The following DGCR8 variants were observed in gnomAD, a reference collection of about 807,000 sequenced individuals.
DGCR8 encodes the protein microprocessor complex subunit DGCR8.
In DGCR8, 14 loss-of-function variants were observed where a neutral mutation model predicts 78.5. The ratio of observed to expected loss-of-function variants is 0.18; its 90% CI spans 0.12 to 0.28. The LOEUF is 0.28. DGCR8 is among the 10% of genes least tolerant of loss of function. The probability of loss-of-function intolerance (pLI) is 1.00; values close to 1 mark genes in which losing one functional copy is unlikely to be tolerated. For missense variants in DGCR8, 702 were observed against 1,022.5 expected, an observed-to-expected ratio of 0.69 and a Z score of 4.28; for synonymous variants, 399 against 402.4, an observed-to-expected ratio of 0.99 and a Z score of 0.10.
rs753527076 is a variant in DGCR8 at position 20,085,847 on chromosome 22, C to T, written c.-117C>T. 5.4e-6 allele frequency: 8 copies of T among 1,490,654 alleles called. No homozygotes were observed. Among genetic ancestry groups the T allele is most frequent in the Middle Eastern group, 1.8e-4 (1 of 5,562 alleles). 92.3% of individuals were successfully genotyped at this position (1,490,654 alleles called of 1,614,324 possible). ...GTGGCCAGCTTGACTAAGCCGCCAG[C>T]GCACAGCGCGGCAGGACGCGCCCGG... On this transcript the variant is annotated 5_prime_UTR_variant, in exon 2 of 14. Transcript: ENST00000351989. This position sits in a 1 kb window ranked among gnomAD's most constrained non-coding sequence, Gnocchi z 6.2.
intron 3 of DGCR8, among the ~76,000 whole-genome samples, chr22:20,088,199 T>G (rs2049512124): frequency 6.6e-6 from 1 of 152,106 alleles, no homozygotes; most frequent in Non-Finnish European, 1.5e-5. Flanking sequence ...TATGTCGTGT[T>G]GGTAGCAGTT....
At chr22:20,104,902 G>A (rs1335804521) in intron 9 of DGCR8, among the ~76,000 whole-genome samples, 1 of 152,154 alleles carries the variant, frequency 6.6e-6, no homozygotes, top group Non-Finnish European at 1.5e-5. Context: ...CCTGTGGAGC[G>A]GGCTTGGCAC....
chr22:20,108,965 A>C lies in DGCR8; in HGVS notation c.2200A>C (p.Lys734Gln). ...KNKPNLHILS[K>Q]LQEEMKRLAE... ...CAAGCCCAACCTGCACATCCTCAGC[A>C]AGCTCCAAGAGGAGATGAAGAGGCT... Residue 734 changes from lysine to glutamine, a missense_variant, in exon 13 of 14, where the codon AAG becomes CAG. Coordinates refer to ENST00000351989, the MANE Select transcript of DGCR8 (RefSeq NM_022720.7). 6.2e-7 allele frequency: 1 copy of C among 1,610,388 alleles called. No homozygotes were observed. Among genetic ancestry groups the C allele is most frequent in the East Asian group, 2.2e-5 (1 of 44,854 alleles).
At position 20,093,403 on chromosome 22, in the gene DGCR8, T is replaced by TG. The variant is rs1033044892; in HGVS notation, c.1705+496_1705+497insG. The stretch of plus-strand genomic sequence containing the variant: ...CTGGGCGACAGTGCAAGACTCTGTC[T>TG]AAAAAAAAAAAAGTAGAAGGCCTCT... On this transcript the variant is annotated intron_variant, in intron 8 of 13. Transcript: ENST00000351989. Among the ~76,000 whole-genome samples, 7 of 143,214 alleles carry TG rather than the reference T, an allele frequency of 4.9e-5. 1 individual carries two copies. Among genetic ancestry groups the TG allele is most frequent in the African/African-American group, 7.7e-5 (3 of 38,932 alleles). The allele number at this position is 143,214 out of a possible 152,430, so 94.0% of individuals were successfully genotyped here.
chr22:20,095,118 CTTTTT>C (rs971662827), intron 9 of DGCR8, among the ~76,000 whole-genome samples: 1 of 151,732 alleles, frequency 6.6e-6, no homozygotes. Flanking sequence ...TTAGATTGTT[CTTTTT>C]TTTGAGACAA....
At chr22:20,084,874 G>C in intron 1 of DGCR8, 1 of 586,860 alleles carries the variant, frequency 1.7e-6, no homozygotes, top group Non-Finnish European at 2.1e-6. Context: ...CACAGCTGTG[G>C]GTCTCCCCTC....
intron 1 of DGCR8, among the ~76,000 whole-genome samples, chr22:20,081,762 G>A (rs1430818387): frequency 6.6e-6 from 1 of 152,114 alleles, no homozygotes; most frequent in Non-Finnish European, 1.5e-5. Context: ...TTACTTTGGC[G>A]CCAAGTAGCC....
In DGCR8 at chr22:20,110,990, C is replaced by T. The variant is rs2049834763; in HGVS notation, c.*882C>T. The T allele has an allele frequency of 7.6e-6, 3 of 396,570 alleles. No homozygotes were observed. Among genetic ancestry groups the T allele is most frequent in the Non-Finnish European group, 1.3e-5 (3 of 225,360 alleles). 24.6% of individuals were successfully genotyped at this position (396,570 alleles called of 1,614,324 possible). On this transcript the variant is annotated 3_prime_UTR_variant, in exon 14 of 14. Transcript: ENST00000351989. The stretch of plus-strand genomic sequence containing the variant: ...ATTTTAGCATTTTGAAAGACTTTCA[C>T]AGTGAGAGTAGAAGGTAGATTTGGA...
At chr22:20,100,692 C>T in intron 9 of DGCR8, 3 of 985,390 alleles carry the variant, frequency 3.0e-6, no homozygotes, top group Non-Finnish European at 3.6e-6. Flanking sequence ...GCAGAAACCA[C>T]ATTGCAAAGT....
In DGCR8 at chr22:20,086,891, G is replaced by C; in HGVS notation, c.720+208G>C. 1 of 778,036 alleles carries C rather than the reference G, an allele frequency of 1.3e-6. No homozygotes were observed. The highest frequency in any genetic ancestry group is 2.0e-6 in the Non-Finnish European group (1 of 505,248). The allele number at this position is 778,036 out of a possible 1,614,324, so 48.2% of individuals were successfully genotyped here. The stretch of plus-strand genomic sequence containing the variant: ...TTTCCTAATGAAAAGTTTGGCCCAT[G>C]GGTAGGCCCTGCATCCCTGATCTAG... On this transcript the variant is annotated intron_variant, in intron 2 of 13. Transcript: ENST00000351989. The surrounding 1 kb of genome is among the most constrained non-coding windows in gnomAD (Gnocchi z 6.4).
At chr22:20,090,299 C>T (rs1336081531) in intron 5 of DGCR8, 41 bp downstream of exon 5, 1 of 1,542,794 alleles carries the variant, frequency 6.5e-7, no homozygotes, top group East Asian at 2.3e-5. Context: ...CCTCCTGGGA[C>T]CCATGAGCTT....
intron 12 of DGCR8, 54 bp from the exon 13 acceptor site, chr22:20,108,836 C>T: frequency 3.6e-6 from 3 of 823,842 alleles, no homozygotes; most frequent in Admixed American, 2.1e-5. Flanking sequence ...GGGCAGCGGG[C>T]AGGCCGTAGA....
Position 20,110,204 on chromosome 22 carries a change from C to A in DGCR8, c.*96C>A. ...TGCACCACAGTGTCAGGCCTCCAAC[C>A]CACGCTCCTTCCCTGTGGCCAACCT... On this transcript the variant is annotated 3_prime_UTR_variant, in exon 14 of 14. Coordinates refer to ENST00000351989, the MANE Select transcript of DGCR8 (RefSeq NM_022720.7). 1 of 1,324,906 alleles carries A rather than the reference C, an allele frequency of 7.5e-7. No individual in the cohort carries two copies. Among genetic ancestry groups the A allele is most frequent in the Non-Finnish European group, 1.1e-6 (1 of 947,256 alleles). 82.1% of individuals were successfully genotyped at this position (1,324,906 alleles called of 1,614,324 possible). A position where few individuals can be genotyped will look rare whatever the true frequency, so the allele number is the denominator to read the frequency against.
At chr22:20,103,934 C>T (rs942189626) in intron 9 of DGCR8, among the ~76,000 whole-genome samples, 11 of 152,274 alleles carry the variant, frequency 7.2e-5, no homozygotes, top group Admixed American at 3.3e-4. Context: ...GTAGAGGTGT[C>T]GGGCGTCTGT....
intron 1 of DGCR8, 119 bp downstream of exon 1, chr22:20,080,502 G>A (rs2147908781): frequency 1.0e-6 from 1 of 983,148 alleles, no homozygotes; most frequent in African/African-American, 1.8e-5. Flanking sequence ...GGGCGGGGGC[G>A]CGGAGCCCGG....
At position 20,087,290 on chromosome 22, in the gene DGCR8, G is replaced by A. The variant is rs745909755; in HGVS notation, c.849G>A (p.Pro283=). The A allele has an allele frequency of 1.2e-5, 20 of 1,613,074 alleles. No homozygotes were observed. The highest frequency in any genetic ancestry group is 3.3e-4 in the Middle Eastern group (2 of 6,060). Residue 283 remains proline (P), a synonymous_variant, in exon 3 of 14, where the codon CCG becomes CCA. Transcript: ENST00000351989. The surrounding 1 kb of genome is among the most constrained non-coding windows in gnomAD (Gnocchi z 4.1). ...CCGATGGAGAGACAAGTGTGCAGCCGATGATGACCAAGATTAAAACAGTGC... is the reference window on the plus strand; with the variant it reads ...CCGATGGAGAGACAAGTGTGCAGCCAATGATGACCAAGATTAAAACAGTGC... ...HPSDGETSVQ[P]MMTKIKTVLK... is the part of the protein sequence containing the mutation.
Position 20,086,234 on chromosome 22 carries a change from T to C in DGCR8, c.271T>C (p.Cys91Arg), listed in dbSNP as rs1321372198. The C allele has an allele frequency of 6.2e-7, 1 of 1,613,930 alleles. No individual in the cohort carries two copies. Among genetic ancestry groups the C allele is most frequent in the Non-Finnish European group, 8.5e-7 (1 of 1,180,012 alleles). The change falls in exon 2 of 14, where the codon TGT becomes CGT. Residue 91 changes from cysteine (C) to arginine (R), a missense_variant. Cys to Arg is a radical substitution (Grantham distance 180). This residue lies in a region of DGCR8 where 356 missense variants were observed against 448.9 expected (regional missense o/e 0.79). Transcript: ENST00000351989. The surrounding 1 kb of genome is among the most constrained non-coding windows in gnomAD (Gnocchi z 6.4). ...SKGRLLIDPN[C>R]SGHSPRTARH... Reference sequence around the variant, plus strand: ...GGGCCGCCTCCTCATAGACCCGAACTGTAGTGGCCACAGCCCGCGCACCGC... The same window carrying C: ...GGGCCGCCTCCTCATAGACCCGAACCGTAGTGGCCACAGCCCGCGCACCGC...
intron 1 of DGCR8, among the ~76,000 whole-genome samples, chr22:20,082,106 G>A (rs2049425627): frequency 6.6e-6 from 1 of 151,034 alleles, no homozygotes; most frequent in Non-Finnish European, 1.5e-5. Context: ...GCCCAGACTG[G>A]AGTGCAGTGG....
chr22:20,091,810 G>C, intron 6 of DGCR8, 59 bp from the exon 7 acceptor site: 3 of 1,541,288 alleles, frequency 1.9e-6, no homozygotes, highest in Admixed American at 1.7e-5. Context: ...GTAACAGGAA[G>C]CTGTGTGCTA....
Sources: gnomAD v4.1 joint callset for allele counts (sites outside exome capture counted in the v4.1 genomes callset) on GRCh38, gnomAD v4.1.1 for gene constraint, gnomAD v4.1.1 regional missense constraint, Gnocchi (gnomAD v3.1) non-coding constraint, MANE v1.5 for transcripts, NCBI Gene and HGNC (gene_info 2026-07-23, HGNC 2026-07-21) for gene names.